Variants in GTF2E1 observed in about 807,000 individuals in gnomAD.
GTF2E1 encodes the protein general transcription factor IIE subunit 1, also known as TFIIE alpha subunit.
In GTF2E1, 14 loss-of-function variants were observed where a neutral mutation model predicts 34.9. The ratio of observed to expected loss-of-function variants is 0.40; its 90% CI spans 0.27 to 0.63. The LOEUF (loss-of-function observed/expected upper bound fraction) is 0.63. GTF2E1 is among the 20% of genes least tolerant of loss of function. GTF2E1 has a pLI of 0.39. For missense variants in GTF2E1, 469 were observed against 557.7 expected (o/e 0.84, Z 1.60); for synonymous variants, 188 against 192.9 (o/e 0.97, Z 0.21).
intron 2 of GTF2E1, 124 bp downstream of exon 2, chr3:120,751,124 T>C (rs965067185): frequency 1.5e-6 from 1 of 645,690 alleles, no homozygotes; most frequent in Non-Finnish European, 2.6e-6. Context: ...TCAGTGTAAA[T>C]CACAGCATAC....
chr3:120,776,811 G>T, intron 4 of GTF2E1, 147 bp downstream of exon 4: 1 of 638,544 alleles, frequency 1.6e-6, no homozygotes, highest in South Asian at 2.6e-5. Context: ...TGAACAATAA[G>T]ATAAAAACCA....
At chr3:120,745,665 G>A (rs1442643501) in intron 1 of GTF2E1, among the ~76,000 whole-genome samples, 1 of 152,208 alleles carries the variant, frequency 6.6e-6, no homozygotes, top group Non-Finnish European at 1.5e-5. Flanking sequence ...GAATACAATA[G>A]TAGGAAATAA....
At chr3:120,771,105 C>T (rs116090583) in intron 3 of GTF2E1, among the ~76,000 whole-genome samples, 176 bp downstream of exon 3, 2,539 of 152,152 alleles carry the variant, frequency 0.017, 61 homozygotes, top group African/African-American at 0.057. Flanking sequence ...TGATGAAATT[C>T]GTTTGTTCTA....
At position 120,781,704 on chromosome 3, in the gene GTF2E1, T is replaced by A; in HGVS notation, c.*234T>A. ...TCACTACAGTATTAATATTTTACTG[T>A]ATTTTCTTTTCTTTTTTTTTTTTTT... On this transcript the variant is annotated 3_prime_UTR_variant, in exon 5 of 5. Coordinates refer to ENST00000283875, the MANE Select transcript of GTF2E1 (RefSeq NM_005513.3). 1 of 428,292 alleles carries A rather than the reference T, an allele frequency of 2.3e-6. No individual in the cohort carries two copies. The highest frequency in any genetic ancestry group is 4.1e-6 in the Non-Finnish European group (1 of 243,034). 26.5% of individuals were successfully genotyped at this position (428,292 alleles called of 1,614,324 possible). A position where few individuals can be genotyped will look rare whatever the true frequency, so the allele number is the denominator to read the frequency against.
chr3:120,776,288 T>C (rs1261735068), intron 3 of GTF2E1, 135 bp from the exon 4 acceptor site: 1 of 755,890 alleles, frequency 1.3e-6, no homozygotes, highest in Non-Finnish European at 2.2e-6. Flanking sequence ...TTGGAATTGT[T>C]AAAGCATGTG....
intron 1 of GTF2E1, among the ~76,000 whole-genome samples, chr3:120,748,303 T>C (rs1488949264): frequency 1.3e-5 from 2 of 151,776 alleles, no homozygotes; most frequent in African/African-American, 2.4e-5. Flanking sequence ...GCTTTTGGTG[T>C]TTTAGACATG....
At chr3:120,746,223 A>G (rs1233581783) in intron 1 of GTF2E1, among the ~76,000 whole-genome samples, 2 of 152,206 alleles carry the variant, frequency 1.3e-5, no homozygotes, top group East Asian at 1.9e-4. Flanking sequence ...TGAAACTAGT[A>G]TTAATAACAG....
At position 120,768,765 on chromosome 3, in the gene GTF2E1, G is replaced by A. The variant is rs561915906; in HGVS notation, c.449-1963G>A. On this transcript the variant is annotated intron_variant, in intron 2 of 4. Coordinates refer to ENST00000283875, the MANE Select transcript of GTF2E1 (RefSeq NM_005513.3). ...TATTCCTTGCTTCTGTTGAAGAGAA[G>A]AGGCTGAGACAGCTTGGAACAGTTG... Among the ~76,000 whole-genome samples the A allele has an allele frequency of 3.9e-5, 6 of 152,288 alleles. No individual in the cohort carries two copies. The South Asian group carries it at 1.2e-3, about 32-fold the overall frequency.
chr3:120,765,089 A>G (rs1709296251), intron 2 of GTF2E1, among the ~76,000 whole-genome samples: 1 of 151,224 alleles, frequency 6.6e-6, no homozygotes, highest in African/African-American at 2.4e-5. Flanking sequence ...GAAAGTTAAA[A>G]TTAAAATGGT....
intron 4 of GTF2E1, among the ~76,000 whole-genome samples, chr3:120,778,398 T>C (rs1484145292): frequency 6.6e-6 from 1 of 152,224 alleles, no homozygotes; most frequent in Admixed American, 6.5e-5. Flanking sequence ...AGTGAATGTA[T>C]GAAGTGGGTC....
At chr3:120,771,049 C>T (rs903817586) in intron 3 of GTF2E1, 120 bp downstream of exon 3, 46 of 799,036 alleles carry the variant, frequency 5.8e-5, no homozygotes, top group African/African-American at 5.1e-4. Flanking sequence ...TGTAATGTTA[C>T]GTAGGTTCTC....
chr3:120,764,991 G>GT (rs111594276), intron 2 of GTF2E1, among the ~76,000 whole-genome samples: 68,153 of 143,290 alleles, frequency 0.48, 17,318 homozygotes, highest in Non-Finnish European at 0.59. Context: ...GAGCATTACT[G>GT]TTTTTTTTTT....
intron 2 of GTF2E1, among the ~76,000 whole-genome samples, chr3:120,769,396 C>T (rs1428667079): frequency 2.0e-5 from 3 of 152,164 alleles, no homozygotes; most frequent in African/African-American, 4.8e-5. Context: ...CATGAAATGT[C>T]GGTAAGATGA....
intron 2 of GTF2E1, among the ~76,000 whole-genome samples, chr3:120,758,201 A>G (rs34875818): frequency 1.3e-5 from 2 of 152,296 alleles, no homozygotes; most frequent in African/African-American, 4.8e-5. Flanking sequence ...TGGTAAAGAC[A>G]CAAATAGTAG....
intron 1 of GTF2E1, among the ~76,000 whole-genome samples, chr3:120,745,891 GC>G (rs1709100869): frequency 6.6e-6 from 1 of 152,148 alleles, no homozygotes; most frequent in Non-Finnish European, 1.5e-5. Flanking sequence ...TACTTCCCAG[GC>G]ATCCTTAAGC....
chr3:120,763,279 C>A (rs888881777), intron 2 of GTF2E1, among the ~76,000 whole-genome samples: 1 of 152,098 alleles, frequency 6.6e-6, no homozygotes, highest in Admixed American at 6.5e-5. Context: ...GCCCTTCTTC[C>A]CCCATATTGT....
intron 2 of GTF2E1, among the ~76,000 whole-genome samples, chr3:120,751,829 T>G (rs997931537): frequency 6.6e-6 from 1 of 152,160 alleles, no homozygotes; most frequent in Admixed American, 6.6e-5. Flanking sequence ...TTAGATTAAG[T>G]CCCTTTGTTA....
At position 120,750,536 on chromosome 3, in the gene GTF2E1, G is replaced by C; in HGVS notation, c.-17G>C. The C allele has an allele frequency of 6.3e-7, 1 of 1,585,534 alleles. No homozygotes were observed. Among genetic ancestry groups the C allele is most frequent in the Non-Finnish European group, 8.6e-7 (1 of 1,158,090 alleles). On this transcript the variant is annotated 5_prime_UTR_variant, in exon 2 of 5. Coordinates refer to ENST00000283875, the MANE Select transcript of GTF2E1 (RefSeq NM_005513.3). ...TTTTGAATTCAGTATATTTAAAGTTGGAGTTCGTTGCTAAAGATGGCAGAC... is the reference window on the plus strand; with the variant it reads ...TTTTGAATTCAGTATATTTAAAGTTCGAGTTCGTTGCTAAAGATGGCAGAC...
At chr3:120,749,317 T>C (rs1292269410) in intron 1 of GTF2E1, among the ~76,000 whole-genome samples, 1 of 152,206 alleles carries the variant, frequency 6.6e-6, no homozygotes, top group African/African-American at 2.4e-5. Flanking sequence ...AGAGAGGGCA[T>C]CCCTGTCTTG....
Sources: allele counts gnomAD v4.1 joint callset (sites outside exome capture counted in the v4.1 genomes callset), GRCh38; gene constraint gnomAD v4.1.1; transcripts MANE v1.5; gene names NCBI Gene and HGNC (gene_info 2026-07-23, HGNC 2026-07-21).